Variants in ARHGAP6 observed in about 807,000 individuals in gnomAD.
ARHGAP6 encodes the protein Rho GTPase activating protein 6, also known as rho GTPase-activating protein 6.
Under a neutral mutation model 55.7 loss-of-function variants are expected in ARHGAP6, and 16 were observed. That is an observed-to-expected ratio of 0.29 (90% CI 0.19 to 0.44). The LOEUF is 0.44. Ranked by LOEUF, ARHGAP6 falls within the 20% of genes least tolerant of loss-of-function variation. The probability of loss-of-function intolerance (pLI) is 1.00; values close to 1 mark genes in which losing one functional copy is unlikely to be tolerated. For synonymous variants in ARHGAP6, 382 were observed against 360.9 expected (o/e 1.06, Z -0.66); for missense variants, 698 against 808.9 (o/e 0.86, Z 1.66).
chrX:11,315,387 T>A (rs1428580434), intron 1 of ARHGAP6, among the ~76,000 whole-genome samples: 1 of 112,169 alleles, frequency 8.9e-6, no homozygotes, highest in East Asian at 2.8e-4. Context: ...GAGACTCTAA[T>A]GAATGCCACC....
chrX:11,367,247 C>G (rs2049093878), intron 1 of ARHGAP6, among the ~76,000 whole-genome samples: 1 of 111,793 alleles, frequency 8.9e-6, no homozygotes, highest in Non-Finnish European at 1.9e-5. Flanking sequence ...GTAAACTATT[C>G]TTATGAGAGA....
chrX:11,455,803 C>T (rs978385233), intron 1 of ARHGAP6, among the ~76,000 whole-genome samples: 1 of 111,898 alleles, frequency 8.9e-6, no homozygotes, highest in Non-Finnish European at 1.9e-5. Flanking sequence ...TACCTGGTAC[C>T]TATGGCAGGT....
intron 11 of ARHGAP6, chrX:11,143,507 A>C: frequency 1.3e-6 from 1 of 784,532 alleles, no homozygotes; most frequent in Non-Finnish European, 1.5e-6. Context: ...GACTCCCAGT[A>C]TAGTGCTCTC....
At chrX:11,615,289 C>T (rs998057196) in intron 1 of ARHGAP6, among the ~76,000 whole-genome samples, 1 of 111,834 alleles carries the variant, frequency 8.9e-6, no homozygotes, top group African/African-American at 3.3e-5. Flanking sequence ...AGCACCACTT[C>T]CATCCAAATA....
chrX:11,334,057 T>C (rs2048597416), intron 1 of ARHGAP6, among the ~76,000 whole-genome samples: 1 of 110,014 alleles, frequency 9.1e-6, no homozygotes, highest in Admixed American at 9.7e-5. Context: ...CCAATGTCGC[T>C]ACATGTTCTT....
At position 11,380,426 on chromosome X, in the gene ARHGAP6, A is replaced by G. The variant is rs763366778; in HGVS notation, c.589-125719T>C. 2.7e-5 allele frequency among the ~76,000 whole-genome samples: 3 copies of G among 111,881 alleles called. No homozygotes were observed. The East Asian group carries it at 8.4e-4, about 31-fold the overall frequency. ...TTTCCCCTTTTAGATGCTTGAGGAG[A>G]TACTTCTATGCGACAACGGAACACT... On this transcript the variant is annotated intron_variant, in intron 1 of 12. Coordinates refer to ENST00000337414, the MANE Select transcript of ARHGAP6 (RefSeq NM_013427.3).
intron 1 of ARHGAP6, among the ~76,000 whole-genome samples, chrX:11,462,399 T>C (rs1043968872): frequency 1.8e-5 from 2 of 112,169 alleles, no homozygotes; most frequent in African/African-American, 3.2e-5. Flanking sequence ...CTTGGGATGA[T>C]GTGGGAAAGC....
chrX:11,329,284 G>A (rs1018487733), intron 1 of ARHGAP6, among the ~76,000 whole-genome samples: 2 of 111,615 alleles, frequency 1.8e-5, no homozygotes, highest in Non-Finnish European at 3.8e-5. Flanking sequence ...CAACATGGGA[G>A]TAGTCATTTT....
intron 1 of ARHGAP6, among the ~76,000 whole-genome samples, chrX:11,591,131 G>T (rs1421897697): frequency 2.8e-5 from 3 of 108,414 alleles, no homozygotes; most frequent in Non-Finnish European, 5.7e-5. Context: ...GGCAGAGGTT[G>T]CAGTGAGCCG....
At chrX:11,582,832 T>C (rs947947625) in intron 1 of ARHGAP6, among the ~76,000 whole-genome samples, 13 of 111,580 alleles carry the variant, frequency 1.2e-4, no homozygotes, top group Non-Finnish European at 2.4e-4. Context: ...TTTCAGAGTG[T>C]ATACATGTGT....
intron 1 of ARHGAP6, among the ~76,000 whole-genome samples, chrX:11,522,382 G>C (rs1253295158): frequency 9.0e-6 from 1 of 111,143 alleles, no homozygotes; most frequent in Non-Finnish European, 1.9e-5. Context: ...AAATAACTAA[G>C]ATCAGAGCAG....
intron 1 of ARHGAP6, among the ~76,000 whole-genome samples, chrX:11,528,658 A>G (rs1217579936): frequency 8.9e-6 from 1 of 111,984 alleles, no homozygotes; most frequent in Non-Finnish European, 1.9e-5. Context: ...TCTAAAAAAC[A>G]TATTTCCCCA....
chrX:11,230,232 T>C (rs2047108162), intron 2 of ARHGAP6, among the ~76,000 whole-genome samples: 1 of 111,839 alleles, frequency 8.9e-6, no homozygotes, highest in South Asian at 3.7e-4. Context: ...TCTTTCTCAC[T>C]CTGTCACCAG....
chrX:11,580,450 C>A (rs1018171143), intron 1 of ARHGAP6, among the ~76,000 whole-genome samples: 1 of 111,655 alleles, frequency 9.0e-6, no homozygotes, highest in Non-Finnish European at 1.9e-5. Context: ...TGCCTCCCAA[C>A]GAAGCATGAC....
intron 1 of ARHGAP6, among the ~76,000 whole-genome samples, chrX:11,617,382 ATG>A (rs2052178310): frequency 8.9e-6 from 1 of 111,887 alleles, no homozygotes; most frequent in Non-Finnish European, 1.9e-5. Flanking sequence ...TTTAAATAGT[ATG>A]TGTCATATTC....
intron 1 of ARHGAP6, among the ~76,000 whole-genome samples, chrX:11,491,171 A>G (rs925251803): frequency 1.8e-5 from 2 of 112,422 alleles, no homozygotes; most frequent in South Asian, 3.7e-4. Flanking sequence ...TTAACAGTGC[A>G]ATAATAAACA....
chrX:11,504,999 G>A (rs2050717559), intron 1 of ARHGAP6, among the ~76,000 whole-genome samples: 1 of 111,568 alleles, frequency 9.0e-6, no homozygotes, highest in South Asian at 3.8e-4. Context: ...TGTAAAGTCT[G>A]GGTGGCTTTT....
intron 9 of ARHGAP6, among the ~76,000 whole-genome samples, chrX:11,164,375 GTGGTATTTGTGATATATA>G (rs1203959086): frequency 8.9e-6 from 1 of 112,147 alleles, no homozygotes; most frequent in Non-Finnish European, 1.9e-5. Context: ...CACGTAGACA[GTGGTATTTGTGATATATA>G]GAAAAGGAAA....
chrX:11,296,707 C>T, intron 1 of ARHGAP6: 1 of 1,064,095 alleles, frequency 9.4e-7, no homozygotes, highest in South Asian at 1.9e-5. Flanking sequence ...TTAATCTCTT[C>T]CTCTCTCTTC....
Sources: allele counts gnomAD v4.1 joint callset (sites outside exome capture counted in the v4.1 genomes callset), GRCh38; gene constraint gnomAD v4.1.1; transcripts MANE v1.5; gene names NCBI Gene and HGNC (gene_info 2026-07-23, HGNC 2026-07-21).